Variants in VWF observed in about 807,000 individuals in gnomAD.
VWF encodes the protein von Willebrand factor, also known as Factor VIII related antigen.
A neutral mutation model predicts 308.6 loss-of-function variants in VWF; 176 were observed. The ratio of observed to expected loss-of-function variants is 0.57; its 90% CI spans 0.50 to 0.65. The LOEUF is 0.65. Ranked by LOEUF, VWF falls within the 30% of genes least tolerant of loss-of-function variation. The pLI, the probability that VWF is intolerant of heterozygous loss-of-function variation, is 0.00. For synonymous variants in VWF, 1,385 were observed against 1,443.4 expected, an observed-to-expected ratio of 0.96 and a Z score of 0.92; for missense variants, 3,146 against 3,648.2, an observed-to-expected ratio of 0.86 and a Z score of 3.55.
Position 6,027,068 on chromosome 12 carries a change from A to G in VWF, c.2968-1022T>C, listed in dbSNP as rs73261101. Among the ~76,000 whole-genome samples the G allele has an allele frequency of 4.7e-3, 722 of 152,310 alleles. 4 individuals carry two copies. Among genetic ancestry groups the G allele is most frequent in the African/African-American group, 0.017 (702 of 41,558 alleles). On this transcript the variant is annotated intron_variant, in intron 22 of 51. Transcript: ENST00000261405. ...AATAAGCTGCATTCAGCTTGGTACA[A>G]GGGGTGTAAGTCACCAGGAAACATA...
chr12:6,059,390 C>G (rs1019034878), intron 13 of VWF, among the ~76,000 whole-genome samples: 1 of 152,246 alleles, frequency 6.6e-6, no homozygotes, highest in Non-Finnish European at 1.5e-5. Context: ...TGTTTTGTCT[C>G]ACTGCTGTAA....
chr12:5,970,611 G>C (rs189638763), intron 44 of VWF, among the ~76,000 whole-genome samples: 274 of 152,316 alleles, frequency 1.8e-3, no homozygotes, highest in Middle Eastern at 6.8e-3. Context: ...GAACCCATAG[G>C]CAACTCGGAC....
In VWF at chr12:5,993,987, G is replaced by A. The variant is rs201394479; in HGVS notation, c.6473C>T (p.Thr2158Ile). The change falls in exon 37 of 52, where the codon ACA becomes ATA. Residue 2158 changes from threonine (T) to isoleucine (I), a missense_variant. By Grantham distance (89) the Thr-to-Ile change is moderately conservative. Transcript: ENST00000261405. ...GTCCTGCTGGCAGATGGCATAGAATGTGGCTGGAGCCAGGACCTTGTGGCA... is the reference window on the plus strand; with the variant it reads ...GTCCTGCTGGCAGATGGCATAGAATATGGCTGGAGCCAGGACCTTGTGGCA... ...AECHKVLAPA[T>I]FYAICQQDSC... The A allele has an allele frequency of 2.5e-5, 40 of 1,614,200 alleles. No homozygotes were observed. The highest frequency in any genetic ancestry group is 3.2e-5 in the Non-Finnish European group (38 of 1,180,050).
At chr12:6,025,055 C>T (rs756900564) in intron 24 of VWF, among the ~76,000 whole-genome samples, 1 of 150,522 alleles carries the variant, frequency 6.6e-6, no homozygotes, top group Non-Finnish European at 1.5e-5. Flanking sequence ...GACAACTGCA[C>T]TTAACCTTGC....
intron 28 of VWF, among the ~76,000 whole-genome samples, chr12:6,017,776 C>T (rs1419504428): frequency 6.6e-6 from 1 of 152,082 alleles, no homozygotes; most frequent in East Asian, 1.9e-4. Context: ...TTTGTATAGA[C>T]GATATACAAA....
At chr12:5,978,348 C>T (rs1215865963) in intron 42 of VWF, among the ~76,000 whole-genome samples, 3 of 152,114 alleles carry the variant, frequency 2.0e-5, no homozygotes, top group Non-Finnish European at 4.4e-5. Context: ...CTGCAACCTC[C>T]ACCTCCCGGA....
intron 46 of VWF, 147 bp from the exon 47 acceptor site, chr12:5,967,749 C>T: frequency 1.3e-6 from 1 of 784,042 alleles, no homozygotes; most frequent in Admixed American, 1.9e-5. Flanking sequence ...GGCCCACTGC[C>T]TTCCCGTCCT....
rs1339707907 is a variant in VWF, at chr12:6,110,856, G to A, written c.323+10C>T. 10 of 1,613,150 alleles carry A rather than the reference G, an allele frequency of 6.2e-6. No homozygotes were observed. Among genetic ancestry groups the A allele is most frequent in the Admixed American group, 1.7e-5 (1 of 59,996 alleles). ...TAGGGTCCTTTCTAACTCAGACATT[G>A]TTGGCTTACCTTTGGTCCCCCTGTG... On this transcript the variant is annotated intron_variant, in intron 4 of 51. Transcript: ENST00000261405.
chr12:6,122,792 G>A (rs1310854129), intron 2 of VWF: 3 of 576,170 alleles, frequency 5.2e-6, no homozygotes, highest in East Asian at 8.6e-5. Context: ...TCTCTTCATT[G>A]TACCATGGGA....
intron 21 of VWF, among the ~76,000 whole-genome samples, chr12:6,030,942 T>G (rs1417708225): frequency 6.6e-6 from 1 of 152,114 alleles, no homozygotes; most frequent in African/African-American, 2.4e-5. Flanking sequence ...TGCAGGAGAA[T>G]CGTTTGAACC....
At position 6,000,829 on chromosome 12, in the gene VWF, A is replaced by G. The variant is rs544733822; in HGVS notation, c.5843-4607T>C. Among the ~76,000 whole-genome samples, 659 of 151,638 alleles carry G rather than the reference A, an allele frequency of 4.3e-3. 4 individuals carry two copies. The highest frequency in any genetic ancestry group is 7.5e-3 in the Non-Finnish European group (506 of 67,828). On this transcript the variant is annotated intron_variant, in intron 34 of 51. Transcript: ENST00000261405. ...TCTGTCTCAAAAAAAAAAAAAAAAAAAAAAAGAAATCTACTAGAGAACATT... is the reference window on the plus strand; with the variant it reads ...TCTGTCTCAAAAAAAAAAAAAAAAAGAAAAAGAAATCTACTAGAGAACATT...
At position 6,046,132 on chromosome 12, in the gene VWF, G is replaced by A. The variant is rs1224767633; in HGVS notation, c.2281+591C>T. 2.6e-5 allele frequency among the ~76,000 whole-genome samples: 4 copies of A among 152,182 alleles called. No homozygotes were observed. The highest frequency in any genetic ancestry group is 6.5e-5 in the Admixed American group (1 of 15,284). On this transcript the variant is annotated intron_variant, in intron 17 of 51. Coordinates refer to ENST00000261405, the MANE Select transcript of VWF (RefSeq NM_000552.5). The surrounding 1 kb of genome is among the most constrained non-coding windows in gnomAD (Gnocchi z 5.0). ...CCAGCTACTTGGGAGGCTGAGGCACGAGAATTGCTTGAACCCAGGAGGCAG... is the reference window on the plus strand; with the variant it reads ...CCAGCTACTTGGGAGGCTGAGGCACAAGAATTGCTTGAACCCAGGAGGCAG...
At chr12:6,057,480 T>TTTTTTA (rs1555198325) in intron 14 of VWF, among the ~76,000 whole-genome samples, 30 of 129,562 alleles carry the variant, frequency 2.3e-4, no homozygotes, top group Middle Eastern at 3.8e-3. Flanking sequence ...GCCCGGCAAA[T>TTTTTTA]TTATTATTAT....
At chr12:6,078,545 C>T (rs1353300760) in intron 6 of VWF, among the ~76,000 whole-genome samples, 1 of 152,168 alleles carries the variant, frequency 6.6e-6, no homozygotes. Flanking sequence ...TAGCCTTTTC[C>T]CCACCCACAA....
Position 6,029,481 on chromosome 12 carries a change from A to G in VWF, c.2828T>C (p.Val943Ala). Residue 943 changes from valine (V) to alanine (A), a missense_variant, in exon 22 of 52, where the codon GTG (valine) becomes GCG (alanine). Around this residue, in one of 3 missense-constraint regions of VWF, gnomAD observed 1,304 missense variants for 1,353.0 expected, o/e 0.96. Transcript: ENST00000261405. Reference sequence around the variant, plus strand: ...AGTCTCATCCTTCATGGGCCTCTTCACATTCACCTGGAGGAAGACAAAGCA... The same window carrying G: ...AGTCTCATCCTTCATGGGCCTCTTCGCATTCACCTGGAGGAAGACAAAGCA... ...EIELFDGEVN[V>A]KRPMKDETHF... The G allele has an allele frequency of 1.9e-6, 3 of 1,614,154 alleles. No homozygotes were observed. Among genetic ancestry groups the G allele is most frequent in the Non-Finnish European group, 2.5e-6 (3 of 1,180,024 alleles).
At position 5,981,903 on chromosome 12, in the gene VWF, A is replaced by T. The variant is rs781534139; in HGVS notation, c.7170T>A (p.Asp2390Glu). 1.2e-6 allele frequency: 2 copies of T among 1,613,508 alleles called. No individual in the cohort carries two copies. The highest frequency in any genetic ancestry group is 1.7e-6 in the Non-Finnish European group (2 of 1,179,950). Reference protein sequence around the residue: ...LPTLRKTQCCDEYECACNCVN... With the variant: ...LPTLRKTQCCEEYECACNCVN... The stretch of plus-strand genomic sequence containing the variant: ...CACAGTTGCAGGCACACTCATACTC[A>T]TCACAGCACTGGGTCTTCCGAAGGG... Residue 2390 changes from aspartate (D) to glutamate (E), a missense_variant, in exon 42 of 52, where the codon GAT becomes GAA. Physicochemically the swap from Asp to Glu is conservative, Grantham distance 45. This residue lies in a region of VWF where 989 missense variants were observed against 1,117.4 expected (regional missense o/e 0.89). Coordinates refer to ENST00000261405, the MANE Select transcript of VWF (RefSeq NM_000552.5).
chr12:6,114,126 G>A (rs573748686), intron 3 of VWF, among the ~76,000 whole-genome samples: 5 of 152,282 alleles, frequency 3.3e-5, no homozygotes, highest in African/African-American at 1.2e-4. Context: ...TCTCCCTCCT[G>A]GAAATGGGAA....
intron 5 of VWF, among the ~76,000 whole-genome samples, chr12:6,104,023 G>A (rs1017922731): frequency 6.6e-6 from 1 of 152,138 alleles, no homozygotes; most frequent in Non-Finnish European, 1.5e-5. Context: ...TTTTCATCCA[G>A]CAAGAGACTA....
chr12:6,064,987 A>G, intron 11 of VWF, 150 bp downstream of exon 11: 1 of 1,196,888 alleles, frequency 8.4e-7, no homozygotes, highest in Non-Finnish European at 1.2e-6. Flanking sequence ...GGGTTTCTGG[A>G]TGAATGAGGA....
Sources: gnomAD v4.1 joint callset for allele counts (sites outside exome capture counted in the v4.1 genomes callset) on GRCh38, gnomAD v4.1.1 for gene constraint, gnomAD v4.1.1 regional missense constraint, Gnocchi (gnomAD v3.1) non-coding constraint, MANE v1.5 for transcripts, NCBI Gene and HGNC (gene_info 2026-07-23, HGNC 2026-07-21) for gene names.